Variants in APBA2 observed in about 807,000 individuals in gnomAD.
APBA2 encodes the protein amyloid beta precursor protein binding family A member 2, also known as amyloid-beta A4 precursor protein-binding family A member 2.
APBA2 carries 30 observed loss-of-function variants against 75.0 expected under a neutral mutation model. The observed-to-expected ratio is 0.40, with a 90% CI of 0.30 to 0.54. The LOEUF is 0.54. APBA2 is among the 20% of genes least tolerant of loss of function. The probability of loss-of-function intolerance (pLI) is 0.49; values close to 1 mark genes in which losing one functional copy is unlikely to be tolerated. For missense variants in APBA2, 801 were observed against 1,016.1 expected (o/e 0.79, Z 2.88); for synonymous variants, 444 against 409.6 (o/e 1.08, Z -1.01).
chr15:28,922,905 TGG>T (rs2034053586), intron 2 of APBA2, among the ~76,000 whole-genome samples: 1 of 152,170 alleles, frequency 6.6e-6, no homozygotes, highest in Non-Finnish European at 1.5e-5. Flanking sequence ...ACTCCCCTAA[TGG>T]TCACTAGAGG....
chr15:28,950,254 A>T (rs2035783280), intron 2 of APBA2, among the ~76,000 whole-genome samples: 1 of 152,198 alleles, frequency 6.6e-6, no homozygotes, highest in South Asian at 2.1e-4. Flanking sequence ...ATGTTGCATG[A>T]TATCAATATG....
chr15:28,923,326 C>T (rs1178411469), intron 2 of APBA2, among the ~76,000 whole-genome samples: 1 of 152,084 alleles, frequency 6.6e-6, no homozygotes, highest in East Asian at 1.9e-4. Flanking sequence ...GGGCACGCTG[C>T]TATTTCTTAG....
rs2031694597 is a variant in APBA2 at position 28,886,081 on chromosome 15, AG to A, written c.-401del. 1 of 149,060 alleles carries A rather than the reference AG, an allele frequency of 6.7e-6. No homozygotes were observed. The highest frequency in any genetic ancestry group is 2.0e-4 in the East Asian group (1 of 5,088). The allele number at this position is 149,060 out of a possible 1,614,324, so 9.2% of individuals were successfully genotyped here. On this transcript the variant is annotated 5_prime_UTR_variant, in exon 1 of 15. An upstream open reading frame in the 5' UTR loses its in-frame stop. Coordinates refer to ENST00000683413, the MANE Select transcript of APBA2 (RefSeq NM_001353788.2). The stretch of plus-strand genomic sequence containing the variant: ...CGCAGCCGCGCCGCGTGCGCCCGGC[AG>A]AGGCGGCCCTGCGTGCCGTACGCTG...
At chr15:28,980,366 T>C (rs983341607) in intron 2 of APBA2, among the ~76,000 whole-genome samples, 2 of 152,172 alleles carry the variant, frequency 1.3e-5, no homozygotes, top group Non-Finnish European at 2.9e-5. Flanking sequence ...CTGTAACTGA[T>C]AAACAACTTC....
intron 2 of APBA2, among the ~76,000 whole-genome samples, chr15:28,938,736 T>C (rs1347807251): frequency 6.6e-6 from 1 of 152,166 alleles, no homozygotes; most frequent in African/African-American, 2.4e-5. Flanking sequence ...CTCAAACTCC[T>C]GGCCTCAAGT....
In APBA2 at chr15:28,986,512, A is replaced by T. The variant is rs901751104; in HGVS notation, c.-94-9241A>T. ...TTTTAAAATTTTAATTATTAAAAAA[A>T]TTTTTTTTGAGAGTTTCCCTCTGTT... On this transcript the variant is annotated intron_variant, in intron 2 of 14. Transcript: ENST00000683413. Among the ~76,000 whole-genome samples, 144 of 152,142 alleles carry T rather than the reference A, an allele frequency of 9.5e-4. 1 individual carries two copies. Among genetic ancestry groups the T allele is most frequent in the Non-Finnish European group, 1.9e-3 (126 of 67,992 alleles).
intron 2 of APBA2, among the ~76,000 whole-genome samples, chr15:28,926,577 A>C (rs957161689): frequency 3.9e-5 from 6 of 152,184 alleles, no homozygotes; most frequent in African/African-American, 1.4e-4. Context: ...AGTAAGGAAA[A>C]TAGAAAATTT....
intron 3 of APBA2, among the ~76,000 whole-genome samples, chr15:29,040,622 A>G (rs1051969322): frequency 7.2e-5 from 11 of 152,184 alleles, no homozygotes; most frequent in Non-Finnish European, 1.5e-4. Context: ...CCATCCCCTA[A>G]CGAAGGGGAA....
chr15:29,117,012 G>A, intron 14 of APBA2, 50 bp from the exon 15 acceptor site: 1 of 1,569,172 alleles, frequency 6.4e-7, no homozygotes, highest in Non-Finnish European at 8.8e-7. Flanking sequence ...ACCTGATTGT[G>A]GGAGGGGAGG....
At chr15:29,014,877 TTAAG>T (rs1283062771) in intron 3 of APBA2, among the ~76,000 whole-genome samples, 1 of 152,098 alleles carries the variant, frequency 6.6e-6, no homozygotes, top group African/African-American at 2.4e-5. Context: ...TGGACATTAT[TTAAG>T]TCTTTAAGAA....
intron 10 of APBA2, 129 bp from the exon 11 acceptor site, chr15:29,105,250 C>G (rs181034003): frequency 1.1e-6 from 1 of 904,570 alleles, no homozygotes; most frequent in African/African-American, 1.7e-5. Flanking sequence ...TTCTTCTAAG[C>G]CCGAGCAAGG....
chr15:29,076,603 G>C (rs1042099721), intron 6 of APBA2, among the ~76,000 whole-genome samples: 2 of 152,074 alleles, frequency 1.3e-5, no homozygotes, highest in Non-Finnish European at 2.9e-5. Flanking sequence ...TGGCTTTGAC[G>C]GAGCTGAGCA....
chr15:29,021,701 C>T (rs2039965677), intron 3 of APBA2, among the ~76,000 whole-genome samples: 1 of 152,084 alleles, frequency 6.6e-6, no homozygotes, highest in Admixed American at 6.6e-5. Flanking sequence ...CTGTACAATA[C>T]AGTGTTGTTA....
rs2039826013 is a variant in APBA2 at position 29,019,182 on chromosome 15, CAGGAGGG to C, written c.-41+23377_-41+23383del. 3.9e-5 allele frequency among the ~76,000 whole-genome samples: 6 copies of C among 152,302 alleles called. No individual in the cohort carries two copies. The South Asian group carries it at 1.2e-3, about 32-fold the overall frequency. ...GACTTGTGCTCTTGGAGTGAGGGCC[CAGGAGGG>C]GGTTGCCTGCCTATGCGTGTCTCTC... On this transcript the variant is annotated intron_variant, in intron 3 of 14. Coordinates refer to ENST00000683413, the MANE Select transcript of APBA2 (RefSeq NM_001353788.2).
chr15:29,081,882 T>C (rs946226497), intron 6 of APBA2, among the ~76,000 whole-genome samples: 1 of 152,212 alleles, frequency 6.6e-6, no homozygotes, highest in African/African-American at 2.4e-5. Context: ...GTGGGTTCTT[T>C]TATGGAGGCG....
chr15:29,083,055 C>T (rs997444639), intron 6 of APBA2, among the ~76,000 whole-genome samples: 3 of 151,516 alleles, frequency 2.0e-5, no homozygotes, highest in African/African-American at 7.3e-5. Context: ...GAGTGAGACA[C>T]CGTCTCAAAA....
chr15:29,061,228 A>T (rs1320001653), intron 4 of APBA2, among the ~76,000 whole-genome samples: 6 of 152,106 alleles, frequency 3.9e-5, no homozygotes, highest in Admixed American at 3.9e-4. Context: ...GCCCCATCCC[A>T]CCTGTTACCT....
chr15:29,053,574 G>A (rs907207021), intron 3 of APBA2, among the ~76,000 whole-genome samples: 1 of 152,144 alleles, frequency 6.6e-6, no homozygotes, highest in Non-Finnish European at 1.5e-5. Flanking sequence ...GAGCCGGTAG[G>A]TTCCTGGGGA....
chr15:29,079,840 A>T (rs1162413364), intron 6 of APBA2, among the ~76,000 whole-genome samples: 1 of 152,164 alleles, frequency 6.6e-6, no homozygotes, highest in Non-Finnish European at 1.5e-5. Flanking sequence ...AATAATAGTA[A>T]CAATGCACAT....
Sources: allele counts gnomAD v4.1 joint callset (sites outside exome capture counted in the v4.1 genomes callset), GRCh38; gene constraint gnomAD v4.1.1; transcripts MANE v1.5; gene names NCBI Gene and HGNC (gene_info 2026-07-23, HGNC 2026-07-21).